The following MPP7 variants were observed in gnomAD, a reference collection of about 807,000 sequenced individuals.
MPP7 encodes the protein MAGUK p55 scaffold protein 7.
In MPP7, 60 loss-of-function variants were observed where a neutral mutation model predicts 76.5. The observed-to-expected ratio is 0.78, with a 90% confidence interval of 0.64 to 0.97. MPP7 has a LOEUF of 0.97. Ranked by LOEUF, MPP7 falls within the 50% of genes least tolerant of loss-of-function variation. The pLI, the probability that MPP7 is intolerant of heterozygous loss-of-function variation, is 0.00. For synonymous variants in MPP7, 237 were observed against 244.5 expected (o/e 0.97, Z 0.29); for missense variants, 641 against 694.0 (o/e 0.92, Z 0.86).
chr10:28,249,898 G>A (rs921151165), intron 1 of MPP7, among the ~76,000 whole-genome samples: 6 of 151,986 alleles, frequency 3.9e-5, no homozygotes, highest in Admixed American at 3.9e-4. Flanking sequence ...CAAGAATGAT[G>A]TCCTCTTCAA....
In MPP7 at chr10:28,051,060, A is replaced by G. The variant is rs1049932310; in HGVS notation, c.*3005T>C. ...GTTCAATTACATCACTTCATATCAC[A>G]GTAGAAAATATAATTTGTTCTACCA... On this transcript the variant is annotated 3_prime_UTR_variant, in exon 17 of 17. Coordinates refer to ENST00000683449, the MANE Select transcript of MPP7 (RefSeq NM_001318170.2). 2 of 152,250 alleles carry G rather than the reference A, an allele frequency of 1.3e-5. No individual in the cohort carries two copies. Among genetic ancestry groups the G allele is most frequent in the African/African-American group, 4.8e-5 (2 of 41,470 alleles). 9.4% of individuals were successfully genotyped at this position (152,250 alleles called of 1,614,324 possible).
chr10:28,051,064 G>T lies in MPP7; in HGVS notation c.*3001C>A, dbSNP rs1851342746. On this transcript the variant is annotated 3_prime_UTR_variant, in exon 17 of 17. Transcript: ENST00000683449. ...AATTACATCACTTCATATCACAGTA[G>T]AAAATATAATTTGTTCTACCATGGG... 6.6e-6 allele frequency: 1 copy of T among 152,048 alleles called. No homozygotes were observed. Among genetic ancestry groups the T allele is most frequent in the Admixed American group, 6.5e-5 (1 of 15,272 alleles). 9.4% of individuals were successfully genotyped at this position (152,048 alleles called of 1,614,324 possible).
At chr10:28,152,761 A>C (rs1835924299) in intron 3 of MPP7, among the ~76,000 whole-genome samples, 1 of 152,072 alleles carries the variant, frequency 6.6e-6, no homozygotes, top group Non-Finnish European at 1.5e-5. Flanking sequence ...ATCCCAGAAA[A>C]ATTTACTCTG....
upstream of MPP7, among the ~76,000 whole-genome samples, chr10:28,304,401 C>T (rs138594321): frequency 1.0e-3 from 156 of 152,234 alleles, no homozygotes; most frequent in African/African-American, 3.4e-3. Context: ...AGACAAAAAG[C>T]AAACCTGAGG....
At chr10:28,067,484 G>A (rs777209138) in intron 13 of MPP7, among the ~76,000 whole-genome samples, 1 of 152,306 alleles carries the variant, frequency 6.6e-6, no homozygotes. Context: ...CATCAGGCAA[G>A]CCAGTGAAAC....
intron 1 of MPP7, among the ~76,000 whole-genome samples, chr10:28,272,669 G>T (rs910679886): frequency 6.6e-6 from 1 of 151,814 alleles, no homozygotes; most frequent in Non-Finnish European, 1.5e-5. Context: ...ATAAAGATTT[G>T]CTCGGATCTT....
chr10:28,124,956 G>A (rs1378798155), intron 7 of MPP7, 54 bp downstream of exon 7: 1 of 1,419,994 alleles, frequency 7.0e-7, no homozygotes, highest in Non-Finnish European at 1.0e-6. Flanking sequence ...TACTGGAAAT[G>A]CTACACACGA....
chr10:28,223,370 T>C (rs772396829), intron 2 of MPP7, among the ~76,000 whole-genome samples: 6 of 152,190 alleles, frequency 3.9e-5, no homozygotes, highest in Admixed American at 6.5e-5. Flanking sequence ...TGCCAAACAA[T>C]GCGGGGTCCC....
chr10:28,317,645 T>A (rs769498230), intron 2 of MPP7, among the ~76,000 whole-genome samples: 5 of 152,192 alleles, frequency 3.3e-5, no homozygotes, highest in Non-Finnish European at 5.9e-5. Flanking sequence ...TAAAACCATA[T>A]TAAAGGAAAA....
chr10:28,109,016 G>A (rs574110229), intron 11 of MPP7, among the ~76,000 whole-genome samples: 19 of 152,056 alleles, frequency 1.2e-4, no homozygotes, highest in Non-Finnish European at 2.6e-4. Context: ...GGCCAGTCTC[G>A]GTCGCTCACA....
At chr10:28,297,329 C>T (rs1295435627) in intron 1 of MPP7, among the ~76,000 whole-genome samples, 1 of 152,126 alleles carries the variant, frequency 6.6e-6, no homozygotes, top group Non-Finnish European at 1.5e-5. Context: ...AGGATTTTGC[C>T]TTGATGTTGA....
At chr10:28,303,091 A>G (rs1841206493), upstream of MPP7, among the ~76,000 whole-genome samples, 1 of 151,938 alleles carries the variant, frequency 6.6e-6, no homozygotes, top group South Asian at 2.1e-4. Context: ...GAGGGGCGGG[A>G]CCGCGGTTGG....
At chr10:28,124,605 A>G (rs1191692140) in intron 7 of MPP7, among the ~76,000 whole-genome samples, 1 of 149,432 alleles carries the variant, frequency 6.7e-6, no homozygotes, top group Non-Finnish European at 1.5e-5. Context: ...CCTTGCAAGT[A>G]GCTGATACTA....
chr10:28,250,441 C>T (rs568039317), intron 1 of MPP7, among the ~76,000 whole-genome samples: 33 of 152,202 alleles, frequency 2.2e-4, no homozygotes, highest in African/African-American at 7.2e-4. Context: ...CCTCTTATAT[C>T]CCAGAATTAT....
chr10:28,176,836 T>C (rs1400237742), intron 3 of MPP7, among the ~76,000 whole-genome samples: 2 of 131,396 alleles, frequency 1.5e-5, no homozygotes, highest in South Asian at 2.5e-4. Flanking sequence ...ATGAGAACAC[T>C]TGGACACAGG....
At chr10:28,194,634 C>T (rs1172583666) in intron 3 of MPP7, among the ~76,000 whole-genome samples, 1 of 152,158 alleles carries the variant, frequency 6.6e-6, no homozygotes, top group African/African-American at 2.4e-5. Flanking sequence ...GAAAAGGCTA[C>T]ATACTGTATT....
At chr10:28,189,428 G>T (rs1232824390) in intron 3 of MPP7, among the ~76,000 whole-genome samples, 1 of 152,010 alleles carries the variant, frequency 6.6e-6, no homozygotes, top group Admixed American at 6.5e-5. Context: ...AGTTAGCTGG[G>T]CATGGTGGCG....
chr10:28,187,450 T>C (rs913361128), intron 3 of MPP7, among the ~76,000 whole-genome samples: 1 of 152,208 alleles, frequency 6.6e-6, no homozygotes, highest in Non-Finnish European at 1.5e-5. Flanking sequence ...CAAGGAGCGT[T>C]ACCAGCTGCT....
intron 1 of MPP7, among the ~76,000 whole-genome samples, chr10:28,277,352 T>C (rs951078330): frequency 2.0e-5 from 3 of 149,914 alleles, no homozygotes; most frequent in African/African-American, 7.4e-5. Flanking sequence ...ATACTAATGA[T>C]AGCTGACGAG....
Sources: allele counts gnomAD v4.1 joint callset (sites outside exome capture counted in the v4.1 genomes callset), GRCh38; gene constraint gnomAD v4.1.1; transcripts MANE v1.5; gene names NCBI Gene and HGNC (gene_info 2026-07-23, HGNC 2026-07-21).